The following TRERF1 variants were observed in gnomAD, a reference collection of about 807,000 sequenced individuals.
TRERF1 encodes the protein transcriptional regulating factor 1, also known as transcriptional-regulating factor 1.
In TRERF1, 27 loss-of-function variants were observed where a neutral mutation model predicts 122.9. The observed-to-expected ratio is 0.22, with a 90% CI of 0.16 to 0.30. The LOEUF (loss-of-function observed/expected upper bound fraction) is 0.30. TRERF1 is among the 10% of genes least tolerant of loss of function. The probability of loss-of-function intolerance (pLI) is 1.00; values close to 1 mark genes in which losing one functional copy is unlikely to be tolerated. For synonymous variants in TRERF1, 636 were observed against 641.7 expected (o/e 0.99, Z 0.13); for missense variants, 1,248 against 1,560.3 (o/e 0.80, Z 3.37).
chr6:42,254,858 G>A (rs1366027225), exon 13 of TRERF1: 1 of 1,614,196 alleles, frequency 6.2e-7, no homozygotes, highest in Non-Finnish European at 8.5e-7. Flanking sequence ...TACCGGCATA[G>A]TGGTAATTTG....
At chr6:42,304,898 A>C (rs945879769) in intron 3 of TRERF1, among the ~76,000 whole-genome samples, 1 of 152,190 alleles carries the variant, frequency 6.6e-6, no homozygotes, top group Non-Finnish European at 1.5e-5. Flanking sequence ...AAGCCAGTAG[A>C]CCTGGATTCT....
At chr6:42,330,019 T>C (rs1342151587) in intron 3 of TRERF1, among the ~76,000 whole-genome samples, 1 of 151,890 alleles carries the variant, frequency 6.6e-6, no homozygotes. Context: ...ATTCTATGTA[T>C]GAACAAACAA....
intron 8 of TRERF1, among the ~76,000 whole-genome samples, chr6:42,262,952 G>A (rs1052883172): frequency 6.6e-6 from 1 of 152,138 alleles, no homozygotes; most frequent in South Asian, 2.1e-4. Flanking sequence ...TTACTTTCTG[G>A]GATACAGGAC....
At chr6:42,261,165 G>A (rs1174438187) in intron 8 of TRERF1, among the ~76,000 whole-genome samples, 1 of 152,190 alleles carries the variant, frequency 6.6e-6, no homozygotes, top group Non-Finnish European at 1.5e-5. Flanking sequence ...ATGGGGGAAG[G>A]AGGCCTGTGC....
chr6:42,292,930 T>C (rs1784539276), intron 4 of TRERF1, among the ~76,000 whole-genome samples: 1 of 152,236 alleles, frequency 6.6e-6, no homozygotes, highest in African/African-American at 2.4e-5. Flanking sequence ...AGCTCTCCAA[T>C]TCCAGAAAAT....
At chr6:42,445,231 G>C (rs1300451187) in intron 2 of TRERF1, among the ~76,000 whole-genome samples, 1 of 149,378 alleles carries the variant, frequency 6.7e-6, no homozygotes, top group Admixed American at 6.7e-5. Flanking sequence ...TCACGCCACT[G>C]CACTCCAGCC....
chr6:42,383,116 G>T (rs1260993148), intron 2 of TRERF1, among the ~76,000 whole-genome samples: 3 of 152,162 alleles, frequency 2.0e-5, no homozygotes, highest in East Asian at 3.9e-4. Flanking sequence ...AGCTACTAGG[G>T]AGACTGAGGT....
intron 1 of TRERF1, among the ~76,000 whole-genome samples, chr6:42,451,764 C>T (rs1215103142): frequency 6.6e-6 from 1 of 152,200 alleles, no homozygotes; most frequent in African/African-American, 2.4e-5. Context: ...TGCTCCCCTT[C>T]CTGCCCTCCG....
At chr6:42,319,962 T>C (rs1449808522) in intron 3 of TRERF1, among the ~76,000 whole-genome samples, 5 of 151,660 alleles carry the variant, frequency 3.3e-5, no homozygotes, top group South Asian at 2.1e-4. Context: ...AGTGCAGTGG[T>C]GTGATCTCAG....
At position 42,268,286 on chromosome 6, in the gene TRERF1, G is replaced by T; in HGVS notation, c.1305C>A (p.Asp435Glu). 1 of 1,511,946 alleles carries T rather than the reference G, an allele frequency of 6.6e-7. No homozygotes were observed. Among genetic ancestry groups the T allele is most frequent in the Non-Finnish European group, 8.8e-7 (1 of 1,131,390 alleles). 93.7% of individuals were successfully genotyped at this position (1,511,946 alleles called of 1,614,324 possible). A position where few individuals can be genotyped will look rare whatever the true frequency, so the allele number is the denominator to read the frequency against. ...CCCGGGTCAGATCTGAGCTCGCTGG[G>T]TCTCCCATTCCTGTGTCAGGAGGCC... The change falls in exon 5 of 18, where the codon GAC (aspartate) becomes GAA (glutamate). Residue 435 changes from aspartate to glutamate, a missense_variant. Physicochemically the swap from Asp to Glu is conservative, Grantham distance 45. This residue lies in a region of TRERF1 where 946 missense variants were observed against 1,073.0 expected (regional missense o/e 0.88). Coordinates refer to ENST00000372922, the Ensembl canonical transcript of TRERF1. The surrounding 1 kb of genome is among the most constrained non-coding windows in gnomAD (Gnocchi z 4.4).
chr6:42,404,453 A>G (rs1295723992), intron 2 of TRERF1, among the ~76,000 whole-genome samples: 1 of 151,822 alleles, frequency 6.6e-6, no homozygotes, highest in Non-Finnish European at 1.5e-5. Context: ...CACGTGATGC[A>G]TTTTCATTCC....
At chr6:42,314,900 A>AGT (rs1187334444) in intron 3 of TRERF1, among the ~76,000 whole-genome samples, 1 of 152,226 alleles carries the variant, frequency 6.6e-6, no homozygotes, top group Non-Finnish European at 1.5e-5. Flanking sequence ...ACAAAACAGA[A>AGT]GTATAAACTT....
chr6:42,308,698 A>T (rs1350580130), intron 3 of TRERF1, among the ~76,000 whole-genome samples: 13 of 152,230 alleles, frequency 8.5e-5, no homozygotes, highest in Admixed American at 2.0e-4. Context: ...AAAACCAAAT[A>T]TCCCATGTTC....
chr6:42,383,365 C>A (rs1407288509), intron 2 of TRERF1, among the ~76,000 whole-genome samples: 1 of 152,150 alleles, frequency 6.6e-6, no homozygotes, highest in Non-Finnish European at 1.5e-5. Flanking sequence ...CACTATCATG[C>A]CTCTTTCCTA....
intron 3 of TRERF1, among the ~76,000 whole-genome samples, chr6:42,302,453 C>T (rs561766394): frequency 6.6e-6 from 1 of 151,998 alleles, no homozygotes; most frequent in East Asian, 2.0e-4. Flanking sequence ...CAGAAGAAAA[C>T]TTCCTTTTTC....
chr6:42,278,774 G>A (rs1233728424), intron 4 of TRERF1, among the ~76,000 whole-genome samples: 6 of 152,150 alleles, frequency 3.9e-5, no homozygotes, highest in Admixed American at 3.9e-4. Flanking sequence ...ATGATCACAT[G>A]TGTCCCCTAA....
At chr6:42,279,872 G>C (rs752432537) in intron 4 of TRERF1, among the ~76,000 whole-genome samples, 137 of 152,300 alleles carry the variant, frequency 9.0e-4, no homozygotes, top group Non-Finnish European at 1.4e-3. Flanking sequence ...CCCCAGAGAA[G>C]AAGCGATCAT....
chr6:42,315,122 G>A (rs1762272607), intron 3 of TRERF1, among the ~76,000 whole-genome samples: 1 of 152,182 alleles, frequency 6.6e-6, no homozygotes, highest in Non-Finnish European at 1.5e-5. Flanking sequence ...GTAGGACGGG[G>A]TCTCCATTAT....
At chr6:42,331,947 CT>C (rs1366219296) in intron 3 of TRERF1, among the ~76,000 whole-genome samples, 4 of 152,140 alleles carry the variant, frequency 2.6e-5, no homozygotes. Context: ...AGGAAATATT[CT>C]TTTTTTCTTT....
Sources: allele counts gnomAD v4.1 joint callset (sites outside exome capture counted in the v4.1 genomes callset), GRCh38; gene constraint gnomAD v4.1.1; regional missense constraint gnomAD v4.1.1; non-coding constraint Gnocchi (gnomAD v3.1); transcripts MANE v1.5; gene names NCBI Gene and HGNC (gene_info 2026-07-23, HGNC 2026-07-21).